Variants in CENPW observed in about 807,000 individuals in gnomAD.
CENPW encodes the protein cancer-up-regulated gene 2 protein.
Under a neutral mutation model 11.1 loss-of-function variants are expected in CENPW, and 3 were observed. That is an observed-to-expected ratio of 0.27 (90% CI 0.12 to 0.70). CENPW has a LOEUF of 0.70. CENPW is among the 30% of genes least tolerant of loss of function. The pLI is 0.77. For synonymous variants in CENPW, 38 were observed against 42.0 expected, an observed-to-expected ratio of 0.91 and a Z score of 0.37; for missense variants, 100 against 105.6, an observed-to-expected ratio of 0.95 and a Z score of 0.23.
At chr6:126,399,575 CTT>C in the CENPW span, among the ~76,000 whole-genome samples, 3 of 151,578 alleles carry the variant, frequency 2.0e-5, no homozygotes, top group African/African-American at 7.3e-5. Flanking sequence ...ATCTGTTTTT[CTT>C]TTTTATTACC....
At chr6:126,471,470 G>A in the CENPW span, among the ~76,000 whole-genome samples, 4 of 152,252 alleles carry the variant, frequency 2.6e-5, no homozygotes, top group Admixed American at 2.6e-4. Flanking sequence ...AATACACTAT[G>A]TATCCTGAAT....
the CENPW span, among the ~76,000 whole-genome samples, chr6:126,437,357 C>T: frequency 6.6e-6 from 1 of 151,918 alleles, no homozygotes; most frequent in African/African-American, 2.4e-5. Flanking sequence ...GTATCATGCT[C>T]ATTTTTGACT....
At chr6:126,377,795 G>A in the CENPW span, among the ~76,000 whole-genome samples, 1 of 152,130 alleles carries the variant, frequency 6.6e-6, no homozygotes, top group Non-Finnish European at 1.5e-5. Context: ...CAGAGAGCAA[G>A]TAACAACAAA....
downstream of CENPW, among the ~76,000 whole-genome samples, chr6:126,349,949 A>G (rs903147984): frequency 6.6e-6 from 1 of 152,032 alleles, no homozygotes; most frequent in Non-Finnish European, 1.5e-5. Context: ...CTCCTGGGCT[A>G]AAGTTATCCT....
At chr6:126,389,137 G>A in the CENPW span, among the ~76,000 whole-genome samples, 1 of 151,592 alleles carries the variant, frequency 6.6e-6, no homozygotes, top group African/African-American at 2.4e-5. Flanking sequence ...GTATGCATTG[G>A]CTACCTTTTA....
chr6:126,473,026 G>C, the CENPW span, among the ~76,000 whole-genome samples: 23 of 152,086 alleles, frequency 1.5e-4, no homozygotes, highest in Admixed American at 6.6e-4. Flanking sequence ...TTTCAGATTG[G>C]CTTCTTTCAC....
the CENPW span, among the ~76,000 whole-genome samples, chr6:126,370,056 T>A: frequency 1.3e-5 from 2 of 152,200 alleles, no homozygotes; most frequent in Non-Finnish European, 2.9e-5. Flanking sequence ...TGTTTTTGTT[T>A]GCTGTGTCAA....
the CENPW span, among the ~76,000 whole-genome samples, chr6:126,468,829 A>T: frequency 6.6e-6 from 1 of 152,076 alleles, no homozygotes; most frequent in African/African-American, 2.4e-5. Flanking sequence ...ATTTCTTGAG[A>T]TGGAGTCTCT....
the CENPW span, among the ~76,000 whole-genome samples, chr6:126,413,409 G>A: frequency 5.4e-4 from 82 of 152,188 alleles, no homozygotes; most frequent in East Asian, 0.01. Flanking sequence ...CACCTTATAT[G>A]CCAGGAGAAA....
chr6:126,450,936 G>T, the CENPW span, among the ~76,000 whole-genome samples: 2 of 150,636 alleles, frequency 1.3e-5, no homozygotes. Context: ...TTGAACTTCA[G>T]AAAAATGAGA....
chr6:126,404,580 C>A, the CENPW span, among the ~76,000 whole-genome samples: 1 of 152,004 alleles, frequency 6.6e-6, no homozygotes, highest in South Asian at 2.1e-4. Flanking sequence ...TTTTGAGAAA[C>A]CTCCATACTT....
the CENPW span, among the ~76,000 whole-genome samples, chr6:126,399,313 GGATATGGA>G: frequency 6.6e-6 from 1 of 151,992 alleles, no homozygotes; most frequent in African/African-American, 2.4e-5. Flanking sequence ...GGGGACCAGG[GGATATGGA>G]GGGCCGGCTA....
the CENPW span, among the ~76,000 whole-genome samples, chr6:126,399,798 G>A: frequency 6.6e-6 from 1 of 151,962 alleles, no homozygotes; most frequent in Admixed American, 6.6e-5. Flanking sequence ...GAATATTTCA[G>A]TCATCTCTAA....
the CENPW span, among the ~76,000 whole-genome samples, chr6:126,474,756 C>A: frequency 1.3e-5 from 2 of 152,164 alleles, no homozygotes; most frequent in African/African-American, 2.4e-5. Context: ...ACTCAACTCA[C>A]CTGTGATCTC....
At chr6:126,406,711 G>A in the CENPW span, among the ~76,000 whole-genome samples, 1 of 152,024 alleles carries the variant, frequency 6.6e-6, no homozygotes. Flanking sequence ...AATTAGACAG[G>A]TGTGGTGGTG....
At chr6:126,381,594 C>T in the CENPW span, among the ~76,000 whole-genome samples, 10 of 152,202 alleles carry the variant, frequency 6.6e-5, no homozygotes, top group African/African-American at 1.9e-4. Flanking sequence ...TCTGAACTCT[C>T]ACCTGGAGCC....
At chr6:126,382,185 C>T in the CENPW span, among the ~76,000 whole-genome samples, 4 of 151,792 alleles carry the variant, frequency 2.6e-5, no homozygotes, top group African/African-American at 9.7e-5. Context: ...TGCAGTGAGC[C>T]GAGATCGCAC....
chr6:126,464,526 A>G, the CENPW span, among the ~76,000 whole-genome samples: 1 of 152,122 alleles, frequency 6.6e-6, no homozygotes, highest in South Asian at 2.1e-4. Context: ...GCAAGAGAAG[A>G]TGGAAGAATA....
At chr6:126,446,777 A>C in the CENPW span, among the ~76,000 whole-genome samples, 2 of 151,198 alleles carry the variant, frequency 1.3e-5, no homozygotes, top group Non-Finnish European at 3.0e-5. Flanking sequence ...TCAAATTAAC[A>C]TTGTACGTAG....
Sources: allele counts gnomAD v4.1 joint callset (sites outside exome capture counted in the v4.1 genomes callset), GRCh38; gene constraint gnomAD v4.1.1; transcripts MANE v1.5; gene names NCBI Gene and HGNC (gene_info 2026-07-23, HGNC 2026-07-21).